The following LRBA variants were observed in gnomAD, a reference collection of about 807,000 sequenced individuals.
LRBA encodes the protein lipopolysaccharide-responsive and beige-like anchor protein.
In LRBA, 176 loss-of-function variants were observed where a neutral mutation model predicts 330.0. The observed-to-expected ratio is 0.53, with a 90% CI of 0.47 to 0.60. LRBA has a LOEUF of 0.60. LRBA is among the 20% of genes least tolerant of loss of function. LRBA has a pLI of 0.00. For missense variants in LRBA, 3,259 were observed against 3,444.8 expected, an observed-to-expected ratio of 0.95 and a Z score of 1.35; for synonymous variants, 1,230 against 1,193.0, an observed-to-expected ratio of 1.03 and a Z score of -0.64.
At chr4:150,718,732 C>T (rs1007106872) in intron 36 of LRBA, among the ~76,000 whole-genome samples, 2 of 151,990 alleles carry the variant, frequency 1.3e-5, no homozygotes, top group African/African-American at 4.8e-5. Context: ...TAAAATACTA[C>T]ACAATATTGC....
At chr4:150,466,725 T>TG (rs1182233492) in intron 44 of LRBA, among the ~76,000 whole-genome samples, 6 of 152,096 alleles carry the variant, frequency 3.9e-5, no homozygotes, top group Non-Finnish European at 8.8e-5. Context: ...GGAAAAAGAC[T>TG]GGATATTCCA....
intron 40 of LRBA, among the ~76,000 whole-genome samples, chr4:150,548,174 T>C (rs954556658): frequency 3.9e-5 from 6 of 152,168 alleles, no homozygotes; most frequent in Non-Finnish European, 7.4e-5. Context: ...TCTTATCAGA[T>C]AGTGTCAGAT....
chr4:151,008,015 G>C (rs927161457), intron 2 of LRBA, among the ~76,000 whole-genome samples: 1 of 151,854 alleles, frequency 6.6e-6, no homozygotes, highest in Admixed American at 6.6e-5. Flanking sequence ...GTGGTAATAG[G>C]TGCAAAACTC....
chr4:150,882,541 T>C (rs1560957208), intron 17 of LRBA, among the ~76,000 whole-genome samples: 1 of 152,196 alleles, frequency 6.6e-6, no homozygotes, highest in East Asian at 1.9e-4. Context: ...TATTCAAATC[T>C]GGAAATATTT....
At chr4:150,552,904 C>T (rs1347937251) in intron 40 of LRBA, among the ~76,000 whole-genome samples, 1 of 151,534 alleles carries the variant, frequency 6.6e-6, no homozygotes, top group Non-Finnish European at 1.5e-5. Context: ...CCCGTCTCTA[C>T]TAAAAATACA....
rs896810547 is a variant in LRBA at position 150,347,656 on chromosome 4, A to C, written c.7362+2336T>G. Among the ~76,000 whole-genome samples the C allele has an allele frequency of 2.0e-5, 3 of 152,090 alleles. No homozygotes were observed. The East Asian group carries it at 5.8e-4, about 29-fold the overall frequency. ...GCGAGACTCTGTCTCAAAAAAAAAA[A>C]AAAAACAAAGGTAAAAATGTTCAAT... is the stretch of plus-strand genomic sequence containing the variant. On this transcript the variant is annotated intron_variant, in intron 48 of 56. Coordinates refer to ENST00000651943, the MANE Select transcript of LRBA (RefSeq NM_001364905.1).
At chr4:150,982,746 CAAAG>C (rs1349106687) in intron 2 of LRBA, among the ~76,000 whole-genome samples, 2 of 152,114 alleles carry the variant, frequency 1.3e-5, no homozygotes, top group Admixed American at 6.5e-5. Flanking sequence ...AACAAGTAAA[CAAAG>C]AAGCCACAGA....
chr4:150,857,864 C>G (rs1361259948), intron 22 of LRBA, among the ~76,000 whole-genome samples: 2 of 152,114 alleles, frequency 1.3e-5, no homozygotes, highest in Admixed American at 6.5e-5. Context: ...GAATCTTATG[C>G]TCTTTACTTC....
chr4:150,937,822 A>G (rs1389683360), intron 2 of LRBA, among the ~76,000 whole-genome samples: 1 of 152,160 alleles, frequency 6.6e-6, no homozygotes, highest in Admixed American at 6.5e-5. Context: ...TTTTCTTCTC[A>G]ATAGTGATAC....
chr4:150,556,939 G>T (rs1767396259), intron 40 of LRBA, among the ~76,000 whole-genome samples: 1 of 152,128 alleles, frequency 6.6e-6, no homozygotes, highest in Non-Finnish European at 1.5e-5. Context: ...AAATAGGGCT[G>T]CCACAATTAC....
intron 47 of LRBA, among the ~76,000 whole-genome samples, chr4:150,401,374 G>A (rs554617335): frequency 6.6e-6 from 1 of 152,270 alleles, no homozygotes; most frequent in South Asian, 2.1e-4. Flanking sequence ...GACACATAAG[G>A]AAAGCAATTT....
intron 17 of LRBA, among the ~76,000 whole-genome samples, chr4:150,885,114 CAG>C (rs1276090046): frequency 1.4e-5 from 2 of 142,144 alleles, no homozygotes; most frequent in Non-Finnish European, 3.1e-5. Context: ...GTCTAAAAAA[CAG>C]AGAAAAAAAT....
At chr4:150,448,156 TGCC>T (rs1453872742) in intron 44 of LRBA, among the ~76,000 whole-genome samples, 1 of 152,210 alleles carries the variant, frequency 6.6e-6, no homozygotes, top group Non-Finnish European at 1.5e-5. Flanking sequence ...CACCTTGTTG[TGCC>T]ACAAGGCAAA....
chr4:150,533,556 T>G (rs971493528), intron 40 of LRBA, among the ~76,000 whole-genome samples: 2 of 152,154 alleles, frequency 1.3e-5, no homozygotes, highest in Admixed American at 1.3e-4. Context: ...TTGAAGGGCA[T>G]GTGTGTCAGC....
At chr4:150,545,215 T>C (rs913433814) in intron 40 of LRBA, among the ~76,000 whole-genome samples, 1 of 152,148 alleles carries the variant, frequency 6.6e-6, no homozygotes, top group Non-Finnish European at 1.5e-5. Context: ...TTAAAAATAA[T>C]GCATACAAAT....
At chr4:150,928,258 A>C (rs1353832522) in intron 4 of LRBA, among the ~76,000 whole-genome samples, 1 of 152,186 alleles carries the variant, frequency 6.6e-6, no homozygotes, top group African/African-American at 2.4e-5. Flanking sequence ...TTTTCTAATA[A>C]ATATTGAATG....
At chr4:150,895,929 A>G (rs559214124) in intron 16 of LRBA, among the ~76,000 whole-genome samples, 137 of 152,280 alleles carry the variant, frequency 9.0e-4, no homozygotes, top group African/African-American at 3.0e-3. Flanking sequence ...ATTTCTCCAC[A>G]TCCTCTCCAG....
At chr4:150,549,691 T>C (rs1000638345) in intron 40 of LRBA, among the ~76,000 whole-genome samples, 9 of 152,360 alleles carry the variant, frequency 5.9e-5, no homozygotes, top group African/African-American at 2.2e-4. Flanking sequence ...TTTTAATACT[T>C]TTCAAAGTGT....
chr4:151,005,157 C>A (rs1170081523), intron 2 of LRBA, among the ~76,000 whole-genome samples: 1 of 149,434 alleles, frequency 6.7e-6, no homozygotes, highest in Non-Finnish European at 1.5e-5. Context: ...TATAAAACAC[C>A]CTGTAATGGC....
Sources: allele counts gnomAD v4.1 joint callset (sites outside exome capture counted in the v4.1 genomes callset), GRCh38; gene constraint gnomAD v4.1.1; transcripts MANE v1.5; gene names NCBI Gene and HGNC (gene_info 2026-07-23, HGNC 2026-07-21).